RELN: variants seen among roughly 807,000 people sequenced by gnomAD.
RELN encodes the protein reelin.
In RELN, 108 loss-of-function variants were observed where a neutral mutation model predicts 427.6. That is an observed-to-expected ratio of 0.25 (90% confidence interval 0.22 to 0.30). The LOEUF (loss-of-function observed/expected upper bound fraction) is 0.30. Among genes scored for constraint, RELN ranks in the 10% least tolerant of loss-of-function variants. The probability of loss-of-function intolerance (pLI) is 1.00; values close to 1 mark genes in which losing one functional copy is unlikely to be tolerated. For synonymous variants in RELN, 1,524 were observed against 1,513.4 expected (o/e 1.01, Z -0.16); for missense variants, 3,715 against 4,302.8 (o/e 0.86, Z 3.82).
At chr7:103,474,659 A>G (rs1827970274) in intron 64 of RELN, among the ~76,000 whole-genome samples, 1 of 152,212 alleles carries the variant, frequency 6.6e-6, no homozygotes, top group Non-Finnish European at 1.5e-5. Context: ...AGTGTCAAGA[A>G]AAATTATCCT....
At chr7:103,833,721 T>C in intron 2 of RELN, 49 bp from the exon 3 acceptor site, 1 of 1,547,458 alleles carries the variant, frequency 6.5e-7, no homozygotes, top group Non-Finnish European at 8.9e-7. Flanking sequence ...AACAAAGATC[T>C]TCCTATCATG....
At chr7:103,823,698 A>G (rs1793063507) in intron 3 of RELN, among the ~76,000 whole-genome samples, 1 of 152,098 alleles carries the variant, frequency 6.6e-6, no homozygotes, top group South Asian at 2.1e-4. Context: ...ATTTATTTGC[A>G]TGCTCAATGC....
chr7:103,696,658 C>T (rs886764947), intron 10 of RELN, among the ~76,000 whole-genome samples: 1 of 152,034 alleles, frequency 6.6e-6, no homozygotes, highest in Admixed American at 6.6e-5. Context: ...TTTTTCCATC[C>T]TCTCACTCCT....
chr7:103,690,614 A>G (rs995450), intron 10 of RELN, among the ~76,000 whole-genome samples: 102,809 of 151,970 alleles, frequency 0.68, 35,230 homozygotes, highest in African/African-American at 0.77. Context: ...TGTGAAAGAG[A>G]GCAAAACCAT....
At chr7:103,762,630 T>C (rs1267160685) in intron 4 of RELN, among the ~76,000 whole-genome samples, 1 of 152,206 alleles carries the variant, frequency 6.6e-6, no homozygotes, top group African/African-American at 2.4e-5. Context: ...AAATGCTAGC[T>C]GAATGGATTC....
chr7:103,855,376 T>C (rs769438059), intron 2 of RELN, among the ~76,000 whole-genome samples: 3 of 152,100 alleles, frequency 2.0e-5, no homozygotes, highest in African/African-American at 7.2e-5. Flanking sequence ...GCAGACACAA[T>C]GGGAAGTGAC....
intron 28 of RELN, among the ~76,000 whole-genome samples, chr7:103,582,096 G>C (rs79914801): frequency 5.8e-4 from 88 of 152,278 alleles, no homozygotes; most frequent in Non-Finnish European, 1.1e-3. Context: ...TAATTTATCT[G>C]TTTATCCCTG....
chr7:103,914,624 C>T (rs913479667), intron 2 of RELN, among the ~76,000 whole-genome samples: 4 of 152,004 alleles, frequency 2.6e-5, no homozygotes, highest in Admixed American at 2.0e-4. Flanking sequence ...TCAGGGCTAC[C>T]CAGCATCTTA....
At chr7:103,628,592 T>A (rs185013875) in intron 20 of RELN, among the ~76,000 whole-genome samples, 1 of 152,280 alleles carries the variant, frequency 6.6e-6, no homozygotes, top group East Asian at 1.9e-4. Context: ...ACAAGTCCCA[T>A]CAAAGGTAAT....
At chr7:103,580,710 C>A (rs555983115) in intron 28 of RELN, among the ~76,000 whole-genome samples, 8 of 152,112 alleles carry the variant, frequency 5.3e-5, no homozygotes, top group Non-Finnish European at 7.4e-5. Flanking sequence ...CAATACGTAG[C>A]CATTTATCCC....
rs116606089 is a variant in RELN, at chr7:103,772,635, G to C, written c.544+3922C>G. Among the ~76,000 whole-genome samples, 1,143 of 152,292 alleles carry C rather than the reference G, an allele frequency of 7.5e-3. 11 individuals carry two copies. The highest frequency in any genetic ancestry group is 0.025 in the African/African-American group (1,058 of 41,560). ...GAGGGAGGGAGTGATACCCTAAGCA[G>C]GGTCTGACAGCCCGAGTTAGACAGA... On this transcript the variant is annotated intron_variant, in intron 4 of 64. Transcript: ENST00000428762.
At chr7:103,929,749 G>C (rs1795820378) in intron 1 of RELN, among the ~76,000 whole-genome samples, 1 of 152,170 alleles carries the variant, frequency 6.6e-6, no homozygotes, top group South Asian at 2.1e-4. Context: ...AAATTTGAAA[G>C]ATGCACTCTA....
At chr7:103,478,417 A>G (rs1306404057) in intron 63 of RELN, 23 bp from the exon 64 acceptor site, 1 of 753,144 alleles carries the variant, frequency 1.3e-6, no homozygotes, top group Non-Finnish European at 2.4e-6. Context: ...CAATGACAGC[A>G]AATAATGAAA....
intron 45 of RELN, among the ~76,000 whole-genome samples, chr7:103,536,188 G>A (rs1830046655): frequency 6.6e-6 from 1 of 152,094 alleles, no homozygotes. Context: ...GAAATCCAAG[G>A]GGTTTAAGGA....
At chr7:103,759,088 G>A (rs576562114) in intron 4 of RELN, among the ~76,000 whole-genome samples, 102 of 152,004 alleles carry the variant, frequency 6.7e-4, no homozygotes, top group African/African-American at 2.4e-3. Context: ...GTTTTTAGAA[G>A]GTACTTTAAA....
At chr7:103,699,856 C>G (rs891640872) in intron 9 of RELN, among the ~76,000 whole-genome samples, 7 of 152,166 alleles carry the variant, frequency 4.6e-5, no homozygotes, top group African/African-American at 7.2e-5. Context: ...TGTCCTGACA[C>G]AGAGAGAGAC....
chr7:103,746,974 T>C (rs1790852968), intron 6 of RELN, among the ~76,000 whole-genome samples: 1 of 152,186 alleles, frequency 6.6e-6, no homozygotes, highest in African/African-American at 2.4e-5. Context: ...CGTATGTTTA[T>C]AGCAGCACTA....
intron 20 of RELN, among the ~76,000 whole-genome samples, chr7:103,619,610 G>A (rs1021027207): frequency 7.2e-5 from 11 of 152,122 alleles, no homozygotes; most frequent in African/African-American, 2.2e-4. Flanking sequence ...TTTTGCCCAC[G>A]TCACCGCATT....
intron 61 of RELN, among the ~76,000 whole-genome samples, chr7:103,485,229 CAAAAAAAAAAAAAAA>C (rs35324403): frequency 9.3e-5 from 9 of 96,492 alleles, no homozygotes; most frequent in Non-Finnish European, 6.6e-5. Flanking sequence ...TTTGGCAGGC[CAAAAAAAAAAAAAAA>C]AAAAAAAAAG....
Sources: gnomAD v4.1 joint callset for allele counts (sites outside exome capture counted in the v4.1 genomes callset) on GRCh38, gnomAD v4.1.1 for gene constraint, MANE v1.5 for transcripts, NCBI Gene and HGNC (gene_info 2026-07-23, HGNC 2026-07-21) for gene names.